Variants in NRG1 observed in about 807,000 individuals in gnomAD.
NRG1 encodes the protein pro-neuregulin-1, membrane-bound isoform.
A neutral mutation model predicts 63.8 loss-of-function variants in NRG1; 18 were observed. The ratio of observed to expected loss-of-function variants is 0.28; its 90% CI spans 0.19 to 0.42. The LOEUF (loss-of-function observed/expected upper bound fraction) is 0.42, where lower values mean the gene tolerates loss of function less well. NRG1 is among the 10% of genes least tolerant of loss of function. The pLI is 1.00. For missense variants in NRG1, 762 were observed against 814.7 expected, an observed-to-expected ratio of 0.94 and a Z score of 0.79; for synonymous variants, 302 against 301.3, an observed-to-expected ratio of 1.00 and a Z score of -0.02.
intron 1 of NRG1, among the ~76,000 whole-genome samples, chr8:32,540,426 T>C (rs200604198): frequency 6.6e-6 from 1 of 152,148 alleles, no homozygotes; most frequent in East Asian, 1.9e-4. Flanking sequence ...TGTCAGACTA[T>C]CTTTTGGAAA....
intron 1 of NRG1, among the ~76,000 whole-genome samples, chr8:32,058,282 G>A (rs1039899124): frequency 6.6e-6 from 1 of 151,864 alleles, no homozygotes; most frequent in African/African-American, 2.4e-5. Flanking sequence ...TGTATATAAA[G>A]GCTATTTATA....
At chr8:32,608,520 T>C (rs1845752562) in intron 3 of NRG1, among the ~76,000 whole-genome samples, 1 of 152,058 alleles carries the variant, frequency 6.6e-6, no homozygotes, top group Admixed American at 6.6e-5. Flanking sequence ...TGTATCTGAC[T>C]ATATGCTTGC....
chr8:31,672,321 A>G (rs990007470), intron 1 of NRG1, among the ~76,000 whole-genome samples: 1 of 152,140 alleles, frequency 6.6e-6, no homozygotes, highest in Non-Finnish European at 1.5e-5. Flanking sequence ...TCCCAGAACT[A>G]GAGAGTTCTG....
At chr8:32,657,121 G>A (rs1027946388) in intron 5 of NRG1, among the ~76,000 whole-genome samples, 14 of 151,750 alleles carry the variant, frequency 9.2e-5, no homozygotes, top group Non-Finnish European at 1.5e-4. Context: ...ATATGCATAT[G>A]CATTTGGAAG....
chr8:31,669,364 A>G (rs957058244), intron 1 of NRG1, among the ~76,000 whole-genome samples: 1 of 151,984 alleles, frequency 6.6e-6, no homozygotes, highest in Non-Finnish European at 1.5e-5. Flanking sequence ...CAGCCTCCCA[A>G]GCAGCTGGGA....
intron 1 of NRG1, among the ~76,000 whole-genome samples, chr8:32,464,618 A>T (rs1015320099): frequency 6.6e-6 from 1 of 152,166 alleles, no homozygotes; most frequent in Non-Finnish European, 1.5e-5. Context: ...TGTCACTAAC[A>T]GGTTGCATTA....
chr8:32,669,407 C>T (rs1805048159), intron 5 of NRG1, among the ~76,000 whole-genome samples: 1 of 152,068 alleles, frequency 6.6e-6, no homozygotes, highest in Non-Finnish European at 1.5e-5. Flanking sequence ...ATTTCTATAG[C>T]TTAGTAAATT....
chr8:32,466,149 A>G (rs1395298159), intron 1 of NRG1, among the ~76,000 whole-genome samples: 1 of 152,126 alleles, frequency 6.6e-6, no homozygotes, highest in Non-Finnish European at 1.5e-5. Flanking sequence ...CAAATAATAC[A>G]TACATACATA....
At chr8:32,606,662 T>C (rs1479944128) in intron 3 of NRG1, among the ~76,000 whole-genome samples, 1 of 152,160 alleles carries the variant, frequency 6.6e-6, no homozygotes, top group East Asian at 1.9e-4. Context: ...TTAGTGCTTA[T>C]TTATTTATTT....
At chr8:32,713,719 T>C (rs1818400792) in intron 5 of NRG1, among the ~76,000 whole-genome samples, 1 of 146,564 alleles carries the variant, frequency 6.8e-6, no homozygotes, top group East Asian at 1.9e-4. Context: ...ATAATATATT[T>C]ATGTTATAAA....
At chr8:32,550,982 C>A (rs1833995445) in intron 1 of NRG1, among the ~76,000 whole-genome samples, 1 of 152,146 alleles carries the variant, frequency 6.6e-6, no homozygotes, top group Non-Finnish European at 1.5e-5. Flanking sequence ...AATATGTATT[C>A]TTTATTTGAT....
At chr8:32,743,164 T>C (rs1424912503) in intron 7 of NRG1, 1 of 987,660 alleles carries the variant, frequency 1.0e-6, no homozygotes, top group African/African-American at 1.7e-5. Flanking sequence ...GCACTTGAAA[T>C]GATGGTAAGT....
At chr8:32,344,794 CA>C (rs1804670013) in intron 1 of NRG1, among the ~76,000 whole-genome samples, 1 of 151,742 alleles carries the variant, frequency 6.6e-6, no homozygotes, top group African/African-American at 2.4e-5. Flanking sequence ...ATTTATTTTG[CA>C]ATTCAAAATA....
chr8:32,554,549 T>A (rs1563633605), intron 1 of NRG1, among the ~76,000 whole-genome samples: 2 of 152,234 alleles, frequency 1.3e-5, no homozygotes, highest in Non-Finnish European at 2.9e-5. Flanking sequence ...CTCATCTTTC[T>A]TCTAAATTTT....
Position 32,432,931 on chromosome 8 carries a change from C to T in NRG1, c.38-162897C>T, listed in dbSNP as rs144590945. Reference sequence around the variant, plus strand: ...TACACAATGATTAAATTTAGTTTACCATTATAGGTCAAAGGGAAGTGGGAA... The same window carrying T: ...TACACAATGATTAAATTTAGTTTACTATTATAGGTCAAAGGGAAGTGGGAA... On this transcript the variant is annotated intron_variant, in intron 1 of 10. Transcript: ENST00000519301. Among the ~76,000 whole-genome samples the T allele has an allele frequency of 3.1e-3, 475 of 152,116 alleles. 2 individuals are homozygous for T. Among genetic ancestry groups the T allele is most frequent in the African/African-American group, 0.011 (444 of 41,478 alleles).
At chr8:31,939,473 C>T (rs1340975837) in intron 1 of NRG1, among the ~76,000 whole-genome samples, 1 of 151,734 alleles carries the variant, frequency 6.6e-6, no homozygotes, top group African/African-American at 2.4e-5. Context: ...AAGCATAAAT[C>T]TCACAGTACC....
At chr8:32,199,796 T>C (rs1843318619) in intron 1 of NRG1, among the ~76,000 whole-genome samples, 1 of 152,212 alleles carries the variant, frequency 6.6e-6, no homozygotes, top group South Asian at 2.1e-4. Context: ...AACTTTTTTT[T>C]TGAGTGGAGT....
chr8:32,498,028 G>C (rs1042338740), intron 1 of NRG1, among the ~76,000 whole-genome samples: 4 of 152,068 alleles, frequency 2.6e-5, no homozygotes, highest in African/African-American at 9.7e-5. Context: ...TCTCCATGTT[G>C]GTCAGCCTAG....
At chr8:32,174,572 T>C (rs966784933) in intron 1 of NRG1, among the ~76,000 whole-genome samples, 2 of 151,922 alleles carry the variant, frequency 1.3e-5, no homozygotes, top group African/African-American at 2.4e-5. Context: ...ATCAACAAAA[T>C]TGATAGACCA....
Sources: allele counts gnomAD v4.1 joint callset (sites outside exome capture counted in the v4.1 genomes callset), GRCh38; gene constraint gnomAD v4.1.1; transcripts MANE v1.5; gene names NCBI Gene and HGNC (gene_info 2026-07-23, HGNC 2026-07-21).